Variants in WBP1L observed in about 807,000 individuals in gnomAD.
The protein encoded by WBP1L is WW domain binding protein 1-like.
A neutral mutation model predicts 33.7 loss-of-function variants in WBP1L; 17 were observed. That is an observed-to-expected ratio of 0.50 (90% CI 0.34 to 0.76). WBP1L has a LOEUF of 0.76. Ranked by LOEUF, WBP1L falls within the 30% of genes least tolerant of loss-of-function variation. WBP1L has a pLI of 0.01. For synonymous variants in WBP1L, 173 were observed against 190.8 expected, an observed-to-expected ratio of 0.91 and a Z score of 0.77; for missense variants, 389 against 469.4, an observed-to-expected ratio of 0.83 and a Z score of 1.58.
At chr10:102,782,540 G>A (rs1285854684) in intron 1 of WBP1L, among the ~76,000 whole-genome samples, 1 of 151,940 alleles carries the variant, frequency 6.6e-6, no homozygotes, top group East Asian at 1.9e-4. Context: ...TAAGATACTA[G>A]TTTCTTACCT....
chr10:102,811,818 C>T (rs571233721), intron 3 of WBP1L, among the ~76,000 whole-genome samples: 1 of 152,342 alleles, frequency 6.6e-6, no homozygotes, highest in African/African-American at 2.4e-5. Context: ...ACCATTATTT[C>T]AGTTCCACAT....
rs1843915804 is a variant in WBP1L at position 102,815,175 on chromosome 10, TCTGA to T, written c.*1848_*1851del. 6.6e-6 allele frequency: 1 copy of T among 152,650 alleles called. No individual in the cohort carries two copies. Among genetic ancestry groups the T allele is most frequent in the African/African-American group, 2.4e-5 (1 of 41,458 alleles). 9.5% of individuals were successfully genotyped at this position (152,650 alleles called of 1,614,324 possible). Reference sequence around the variant, plus strand: ...GCATTTACTGTTTACCGAACAAATGTCTGACTGTGTACTCGGGTGTACTCCGCAG... The same window carrying T: ...GCATTTACTGTTTACCGAACAAATGTCTGTGTACTCGGGTGTACTCCGCAG... On this transcript the variant is annotated 3_prime_UTR_variant, in exon 4 of 4. Transcript: ENST00000448841.
At chr10:102,784,721 G>A (rs1037886688) in intron 1 of WBP1L, among the ~76,000 whole-genome samples, 11 of 151,420 alleles carry the variant, frequency 7.3e-5, no homozygotes, top group Middle Eastern at 3.4e-3. Context: ...CACCGCGCCC[G>A]GCGAATTTTT....
intron 3 of WBP1L, among the ~76,000 whole-genome samples, chr10:102,811,165 A>G (rs1025476716): frequency 3.3e-5 from 5 of 152,026 alleles, no homozygotes; most frequent in African/African-American, 1.2e-4. Context: ...GTGGCTCAGC[A>G]CTTTGGGAGG....
chr10:102,776,356 T>G (rs1843262124), intron 1 of WBP1L: 1 of 1,614,164 alleles, frequency 6.2e-7, no homozygotes, highest in African/African-American at 1.3e-5. Context: ...AAGAGCCCTT[T>G]GTTCCAACGT....
chr10:102,744,984 C>T (rs755679638), intron 1 of WBP1L, among the ~76,000 whole-genome samples: 3 of 152,202 alleles, frequency 2.0e-5, no homozygotes, highest in Admixed American at 6.5e-5. Flanking sequence ...CTAATGGGAG[C>T]GTTACTCCTG....
chr10:102,769,916 T>G (rs1445827673), intron 1 of WBP1L, among the ~76,000 whole-genome samples: 1 of 152,238 alleles, frequency 6.6e-6, no homozygotes, highest in Non-Finnish European at 1.5e-5. Flanking sequence ...GTGGAAGAGA[T>G]AAGCTCTGTG....
intron 1 of WBP1L, among the ~76,000 whole-genome samples, chr10:102,758,502 A>C (rs1251073688): frequency 6.6e-6 from 1 of 152,188 alleles, no homozygotes; most frequent in East Asian, 1.9e-4. Flanking sequence ...TTCTTTACTT[A>C]GCATGTTTTC....
intron 1 of WBP1L, among the ~76,000 whole-genome samples, chr10:102,756,691 T>G (rs535348047): frequency 6.6e-6 from 1 of 152,084 alleles, no homozygotes; most frequent in Non-Finnish European, 1.5e-5. Context: ...GATTGTGTGG[T>G]TATAGGGTAT....
chr10:102,754,721 T>C (rs1328833712), intron 1 of WBP1L, among the ~76,000 whole-genome samples: 1 of 151,976 alleles, frequency 6.6e-6, no homozygotes, highest in Admixed American at 6.6e-5. Context: ...TTTTGTTTTT[T>C]AGCGTCAGGG....
chr10:102,771,860 T>C (rs549678352), intron 1 of WBP1L, among the ~76,000 whole-genome samples: 1 of 151,948 alleles, frequency 6.6e-6, no homozygotes, highest in East Asian at 1.9e-4. Flanking sequence ...TTTCCAGCAG[T>C]ACTATCTCTG....
chr10:102,814,338 G>T lies in WBP1L; in HGVS notation c.*1007G>T, dbSNP rs768156445. 3 of 152,532 alleles carry T rather than the reference G, an allele frequency of 2.0e-5. No individual in the cohort carries two copies. In the East Asian group the frequency reaches 5.8e-4, roughly 29 times the overall value. 9.4% of individuals were successfully genotyped at this position (152,532 alleles called of 1,614,324 possible). On this transcript the variant is annotated 3_prime_UTR_variant, in exon 4 of 4. Transcript: ENST00000448841. Reference sequence around the variant, plus strand: ...CAGGTGACCCGTGTCAGCCTGCATCGCAAGCACACACCCTGCGGGCCTTCA... The same window carrying T: ...CAGGTGACCCGTGTCAGCCTGCATCTCAAGCACACACCCTGCGGGCCTTCA...
At chr10:102,779,778 C>T (rs983121249) in intron 1 of WBP1L, among the ~76,000 whole-genome samples, 16 of 152,198 alleles carry the variant, frequency 1.1e-4, no homozygotes, top group East Asian at 5.8e-4. Context: ...AACAGAGGAA[C>T]GCCCAGGGAC....
intron 1 of WBP1L, 61 bp downstream of exon 1, chr10:102,744,204 A>G (rs1400837629): frequency 6.8e-7 from 1 of 1,462,698 alleles, no homozygotes; most frequent in Non-Finnish European, 9.1e-7. Flanking sequence ...GCCTGGCTGG[A>G]GGGGTCTGAA....
At position 102,744,085 on chromosome 10, in the gene WBP1L, C is replaced by A. The variant is rs1842831556; in HGVS notation, c.32C>A (p.Ala11Glu). 1.4e-5 allele frequency: 22 copies of A among 1,551,668 alleles called. No homozygotes were observed. Among genetic ancestry groups the A allele is most frequent in the Non-Finnish European group, 1.9e-5 (22 of 1,147,990 alleles). ...AGGAGAAGGCTCCTGGGTGGCATGG[C>A]GCTCCTGCTCCTCCAGGCGCTGCCC... The part of the protein sequence containing the change: MERRRLLGGM[A>E]LLLLQALPSP... Residue 11 changes from alanine to glutamate, a missense_variant, in exon 1 of 4, where the codon GCG becomes GAG. By Grantham distance (107) the Ala-to-Glu change is moderately radical. Coordinates refer to ENST00000448841, the MANE Select transcript of WBP1L (RefSeq NM_001083913.2).
At chr10:102,800,138 C>G (rs1286926572) in intron 2 of WBP1L, among the ~76,000 whole-genome samples, 3 of 152,326 alleles carry the variant, frequency 2.0e-5, no homozygotes, top group Non-Finnish European at 4.4e-5. Flanking sequence ...AGCAGGTAGA[C>G]AGACTCTGTT....
chr10:102,792,919 T>C (rs1182477298), intron 1 of WBP1L, among the ~76,000 whole-genome samples: 1 of 152,106 alleles, frequency 6.6e-6, no homozygotes, highest in Non-Finnish European at 1.5e-5. Flanking sequence ...AACCGTACTG[T>C]CAATCTCAGT....
intron 1 of WBP1L, chr10:102,776,523 G>A: frequency 1.4e-6 from 2 of 1,453,448 alleles, no homozygotes; most frequent in Non-Finnish European, 1.9e-6. Context: ...ATGCCTCTCA[G>A]TTAGACCAGG....
intron 1 of WBP1L, among the ~76,000 whole-genome samples, chr10:102,780,103 CTAA>C (rs2134045043): frequency 6.6e-6 from 1 of 152,218 alleles, no homozygotes; most frequent in East Asian, 1.9e-4. Context: ...GCCCTTCTTT[CTAA>C]TAATGAGCAT....
Sources: allele counts gnomAD v4.1 joint callset (sites outside exome capture counted in the v4.1 genomes callset), GRCh38; gene constraint gnomAD v4.1.1; transcripts MANE v1.5; gene names NCBI Gene and HGNC (gene_info 2026-07-23, HGNC 2026-07-21).